Variants in GPC5 observed in about 807,000 individuals in gnomAD.
GPC5 encodes glypican 5, also known as glypican-5.
Under a neutral mutation model 53.9 loss-of-function variants are expected in GPC5, and 47 were observed. The ratio of observed to expected loss-of-function variants is 0.87; its 90% CI spans 0.69 to 1.11. GPC5 has a LOEUF of 1.11. GPC5 is among the 50% of genes most tolerant of loss of function. GPC5 has a pLI of 0.00. For missense variants in GPC5, 748 were observed against 713.1 expected (o/e 1.05, Z -0.56); for synonymous variants, 286 against 263.3 (o/e 1.09, Z -0.84).
chr13:92,618,804 A>G (rs369037814), intron 7 of GPC5, among the ~76,000 whole-genome samples: 1 of 151,924 alleles, frequency 6.6e-6, no homozygotes, highest in East Asian at 1.9e-4. Flanking sequence ...AAGATGGATC[A>G]TATTAGGCAA....
At chr13:91,679,934 C>T (rs999695677) in intron 2 of GPC5, among the ~76,000 whole-genome samples, 9 of 151,568 alleles carry the variant, frequency 5.9e-5, no homozygotes, top group Non-Finnish European at 1.2e-4. Context: ...TTCTGAATAC[C>T]ATTTTTTTTT....
intron 2 of GPC5, among the ~76,000 whole-genome samples, chr13:91,463,236 T>C (rs1005914267): frequency 2.6e-5 from 4 of 152,174 alleles, no homozygotes; most frequent in Non-Finnish European, 5.9e-5. Context: ...TCACTTCATT[T>C]GCATGGTTTC....
intron 3 of GPC5, among the ~76,000 whole-genome samples, chr13:91,710,332 C>T (rs2036198505): frequency 6.6e-6 from 1 of 152,136 alleles, no homozygotes; most frequent in Admixed American, 6.5e-5. Context: ...GAGAGCACAG[C>T]AAGACAACTG....
At chr13:92,574,149 T>C (rs999876732) in intron 7 of GPC5, among the ~76,000 whole-genome samples, 98 of 152,192 alleles carry the variant, frequency 6.4e-4, no homozygotes, top group African/African-American at 2.1e-3. Context: ...ACTTCTCTTG[T>C]TTAAAATACT....
At chr13:92,362,850 T>C (rs2043579120) in intron 7 of GPC5, among the ~76,000 whole-genome samples, 1 of 151,796 alleles carries the variant, frequency 6.6e-6, no homozygotes, top group Admixed American at 6.5e-5. Context: ...ATTACTTTAA[T>C]GCAGGTTATT....
intron 6 of GPC5, among the ~76,000 whole-genome samples, chr13:92,024,467 C>A (rs1224539205): frequency 6.6e-6 from 1 of 152,064 alleles, no homozygotes; most frequent in Non-Finnish European, 1.5e-5. Context: ...TATTTCTTTC[C>A]TTTATAAAAG....
At chr13:92,055,764 G>A (rs1424909300) in intron 6 of GPC5, among the ~76,000 whole-genome samples, 1 of 152,132 alleles carries the variant, frequency 6.6e-6, no homozygotes, top group Non-Finnish European at 1.5e-5. Context: ...GGGTGTTTGT[G>A]TATATTTCTA....
chr13:91,694,343 T>TTGGCTTTAAA (rs1299580995), intron 3 of GPC5, among the ~76,000 whole-genome samples: 6 of 152,238 alleles, frequency 3.9e-5, no homozygotes, highest in African/African-American at 1.4e-4. Flanking sequence ...TCAGAAGCAT[T>TTGGCTTTAAA]TGGCTTTAAA....
chr13:91,901,533 T>C (rs1183617740), intron 5 of GPC5, among the ~76,000 whole-genome samples: 1 of 152,040 alleles, frequency 6.6e-6, no homozygotes, highest in Non-Finnish European at 1.5e-5. Flanking sequence ...ACAAGTTGAG[T>C]GTACAAAAGT....
chr13:92,053,330 T>A (rs1361405794), intron 6 of GPC5, among the ~76,000 whole-genome samples: 1 of 152,184 alleles, frequency 6.6e-6, no homozygotes, highest in Non-Finnish European at 1.5e-5. Context: ...AGTTGACCTC[T>A]CTCTGTGACC....
intron 2 of GPC5, among the ~76,000 whole-genome samples, chr13:91,503,111 T>C (rs1884737191): frequency 6.6e-6 from 1 of 152,062 alleles, no homozygotes; most frequent in Non-Finnish European, 1.5e-5. Flanking sequence ...CTATGCATGC[T>C]TCATTAAAAA....
At chr13:91,483,025 T>C (rs544889658) in intron 2 of GPC5, among the ~76,000 whole-genome samples, 1 of 152,272 alleles carries the variant, frequency 6.6e-6, no homozygotes, top group Admixed American at 6.5e-5. Flanking sequence ...TTTTACCTTA[T>C]CCTTAAATTG....
intron 7 of GPC5, among the ~76,000 whole-genome samples, chr13:92,356,767 G>A (rs973469770): frequency 7.9e-5 from 12 of 152,162 alleles, no homozygotes; most frequent in Admixed American, 7.9e-4. Flanking sequence ...TAAACTTGTA[G>A]ATAAACTTCA....
chr13:92,510,380 C>G (rs1880521774), intron 7 of GPC5, among the ~76,000 whole-genome samples: 1 of 152,064 alleles, frequency 6.6e-6, no homozygotes, highest in Admixed American at 6.5e-5. Context: ...GAATAAAAGA[C>G]CTACATCGAA....
intron 2 of GPC5, among the ~76,000 whole-genome samples, chr13:91,661,436 G>T (rs948382346): frequency 1.3e-5 from 2 of 152,226 alleles, no homozygotes; most frequent in Admixed American, 6.5e-5. Flanking sequence ...AGCCCCTCCA[G>T]CCAGGATTGG....
chr13:92,657,334 A>G (rs1886169476), intron 7 of GPC5, among the ~76,000 whole-genome samples: 1 of 152,286 alleles, frequency 6.6e-6, no homozygotes, highest in Admixed American at 6.5e-5. Flanking sequence ...TAAAACTGCA[A>G]CCCTTTAATG....
In GPC5 at chr13:91,977,947, T is replaced by TAAAAAAA. The variant is rs1413529700; in HGVS notation, c.1401+69894_1401+69895insAAAAAAA. Among the ~76,000 whole-genome samples, 650 of 92,554 alleles carry TAAAAAAA rather than the reference T, an allele frequency of 7.0e-3. 13 individuals carry two copies. Among genetic ancestry groups the TAAAAAAA allele is most frequent in the African/African-American group, 0.034 (616 of 17,958 alleles). The allele number at this position is 92,554 out of a possible 152,430, so 60.7% of individuals were successfully genotyped here. On this transcript the variant is annotated intron_variant, in intron 6 of 7. Transcript: ENST00000377067. ...GGAAACATAACGAGACCGCCATCTC[T>TAAAAAAA]AAAAGAAAAAAGAAAGAAAGAAAGA...
intron 2 of GPC5, among the ~76,000 whole-genome samples, chr13:91,674,199 G>T (rs903762526): frequency 6.6e-6 from 1 of 151,924 alleles, no homozygotes; most frequent in Non-Finnish European, 1.5e-5. Flanking sequence ...GAGGTGTCCC[G>T]GTGTTTGGAT....
chr13:92,703,883 AT>A (rs1175912928), intron 7 of GPC5, among the ~76,000 whole-genome samples: 1 of 151,990 alleles, frequency 6.6e-6, no homozygotes, highest in Non-Finnish European at 1.5e-5. Flanking sequence ...ATGGGAATTC[AT>A]TTAATATTTA....
Sources: allele counts gnomAD v4.1 joint callset (sites outside exome capture counted in the v4.1 genomes callset), GRCh38; gene constraint gnomAD v4.1.1; transcripts MANE v1.5; gene names NCBI Gene and HGNC (gene_info 2026-07-23, HGNC 2026-07-21).